Variants in PDE3A observed in about 807,000 individuals in gnomAD.
The protein encoded by PDE3A is phosphodiesterase 3A.
PDE3A carries 43 observed loss-of-function variants against 98.3 expected under a neutral mutation model. That is an observed-to-expected ratio of 0.44 (90% CI 0.34 to 0.56). PDE3A has a LOEUF of 0.56. Among genes scored for constraint, PDE3A ranks in the 20% least tolerant of loss-of-function variants. The pLI is 0.01. For missense variants in PDE3A, 1,427 were observed against 1,440.7 expected (o/e 0.99, Z 0.15); for synonymous variants, 663 against 567.9 (o/e 1.17, Z -2.38).
intron 1 of PDE3A, among the ~76,000 whole-genome samples, chr12:20,376,712 T>C (rs576811118): frequency 1.3e-5 from 2 of 152,052 alleles, no homozygotes; most frequent in South Asian, 4.1e-4. Context: ...TGTTAAGGCA[T>C]TTCTTCATTA....
chr12:20,490,160 A>AT (rs1030222084), intron 1 of PDE3A, among the ~76,000 whole-genome samples: 11 of 152,090 alleles, frequency 7.2e-5, no homozygotes, highest in South Asian at 4.1e-4. Flanking sequence ...AGTTTGTATG[A>AT]TTTTTTCCCC....
At chr12:20,487,020 A>C (rs1269135415) in intron 1 of PDE3A, among the ~76,000 whole-genome samples, 1 of 152,204 alleles carries the variant, frequency 6.6e-6, no homozygotes, top group African/African-American at 2.4e-5. Context: ...TTTTTTTCAT[A>C]GTTTTTTAAA....
At chr12:20,522,804 G>C (rs112331789) in intron 1 of PDE3A, among the ~76,000 whole-genome samples, 3 of 152,096 alleles carry the variant, frequency 2.0e-5, no homozygotes, top group African/African-American at 7.2e-5. Flanking sequence ...AAATGAAATG[G>C]GGTGGGGCAG....
In PDE3A at chr12:20,370,018, G is replaced by T. The variant is rs1455187111; in HGVS notation, c.734G>T (p.Gly245Val). Residue 245 changes from glycine (G) to valine (V), a missense_variant, in exon 1 of 16, where the codon GGC becomes GTC. This residue lies in a region of PDE3A where 1,012 missense variants were observed against 886.5 expected (regional missense o/e 1.14). Coordinates refer to ENST00000359062, the MANE Select transcript of PDE3A (RefSeq NM_000921.5). ...AGACCTTACCTGGCGTACCTGGCCG[G>T]CGTGCTGGGGATCCTCTTGGCCAGG... ...AWRPYLAYLAGVLGILLARYV... is the reference protein window; with the variant it reads ...AWRPYLAYLAVVLGILLARYV... The T allele has an allele frequency of 6.2e-7, 1 of 1,613,006 alleles. No individual in the cohort carries two copies. The highest frequency in any genetic ancestry group is 1.1e-5 in the South Asian group (1 of 91,080).
intron 9 of PDE3A, among the ~76,000 whole-genome samples, chr12:20,639,639 CAT>C (rs767317264): frequency 6.6e-6 from 1 of 152,110 alleles, no homozygotes. Context: ...TTTAAGGAGA[CAT>C]GTGCAATGGA....
intron 1 of PDE3A, among the ~76,000 whole-genome samples, chr12:20,378,019 T>C (rs555817177): frequency 1.3e-5 from 2 of 151,894 alleles, no homozygotes; most frequent in Admixed American, 6.6e-5. Context: ...ACAAGCCTGC[T>C]CCTAGCTTTA....
At chr12:20,472,337 A>C (rs772240001) in intron 1 of PDE3A, among the ~76,000 whole-genome samples, 8 of 152,100 alleles carry the variant, frequency 5.3e-5, no homozygotes, top group Non-Finnish European at 8.8e-5. Context: ...CTACGGTCTG[A>C]TAGTTGGCAT....
chr12:20,650,026 G>C (rs1209233232), intron 13 of PDE3A, among the ~76,000 whole-genome samples: 1 of 152,026 alleles, frequency 6.6e-6, no homozygotes, highest in East Asian at 1.9e-4. Flanking sequence ...CATTTTTGTA[G>C]GTACATGGTA....
chr12:20,653,901 T>G, intron 14 of PDE3A, 46 bp from the exon 15 acceptor site: 8 of 1,595,796 alleles, frequency 5.0e-6, no homozygotes, highest in Non-Finnish European at 6.8e-6. Flanking sequence ...ATTTACAAAT[T>G]TCAGATGCCA....
chr12:20,508,823 A>AT (rs72509816), intron 1 of PDE3A, among the ~76,000 whole-genome samples: 1 of 151,280 alleles, frequency 6.6e-6, no homozygotes, highest in African/African-American at 2.4e-5. Context: ...CAAAAAAAAA[A>AT]ATCTGGGTTT....
intron 1 of PDE3A, among the ~76,000 whole-genome samples, chr12:20,410,622 T>C (rs1462505553): frequency 6.6e-6 from 1 of 152,154 alleles, no homozygotes; most frequent in Non-Finnish European, 1.5e-5. Flanking sequence ...TGTTTTGTTG[T>C]TGTTGTTGTT....
chr12:20,521,328 A>G (rs115826993), intron 1 of PDE3A, among the ~76,000 whole-genome samples: 2,309 of 152,248 alleles, frequency 0.015, 64 homozygotes, highest in African/African-American at 0.053. Flanking sequence ...GAGTGGTAAC[A>G]TGAATAATAA....
At chr12:20,483,529 T>G (rs1464173830) in intron 1 of PDE3A, among the ~76,000 whole-genome samples, 1 of 152,242 alleles carries the variant, frequency 6.6e-6, no homozygotes, top group Non-Finnish European at 1.5e-5. Flanking sequence ...GTATCAAGTA[T>G]GTGTTACTTG....
At chr12:20,465,894 C>T (rs1418762463) in intron 1 of PDE3A, among the ~76,000 whole-genome samples, 5 of 152,036 alleles carry the variant, frequency 3.3e-5, no homozygotes, top group African/African-American at 1.2e-4. Context: ...ATAAATAATA[C>T]CAACTTGTGC....
Position 20,540,532 on chromosome 12 carries a change from T to C in PDE3A, c.961-16128T>C, listed in dbSNP as rs115953913. Among the ~76,000 whole-genome samples the C allele has an allele frequency of 5.0e-3, 759 of 152,198 alleles. 6 individuals are homozygous for C. The highest frequency in any genetic ancestry group is 0.018 in the African/African-American group (735 of 41,552). Reference sequence around the variant, plus strand: ...GAAACAGCACAGGAATAGTCATTCCTTCATGACAACTTCTACGAAAGTGTA... The same window carrying C: ...GAAACAGCACAGGAATAGTCATTCCCTCATGACAACTTCTACGAAAGTGTA... On this transcript the variant is annotated intron_variant, in intron 1 of 15. Transcript: ENST00000359062.
At chr12:20,534,070 T>C (rs963533415) in intron 1 of PDE3A, among the ~76,000 whole-genome samples, 1 of 152,180 alleles carries the variant, frequency 6.6e-6, no homozygotes, top group Non-Finnish European at 1.5e-5. Flanking sequence ...ACTTTATTTC[T>C]TCCTGGTAAA....
At chr12:20,622,113 T>A (rs980064373) in intron 5 of PDE3A, among the ~76,000 whole-genome samples, 3 of 152,144 alleles carry the variant, frequency 2.0e-5, no homozygotes, top group African/African-American at 7.2e-5. Flanking sequence ...CTTCTGCCTT[T>A]AGCAGTTTAA....
intron 1 of PDE3A, among the ~76,000 whole-genome samples, chr12:20,472,025 G>A (rs764819261): frequency 9.9e-5 from 15 of 152,062 alleles, no homozygotes; most frequent in Non-Finnish European, 2.1e-4. Flanking sequence ...ACCAAAAGAG[G>A]CAGCTACATC....
At chr12:20,478,599 A>G (rs1591973308) in intron 1 of PDE3A, among the ~76,000 whole-genome samples, 1 of 152,208 alleles carries the variant, frequency 6.6e-6, no homozygotes, top group East Asian at 1.9e-4. Context: ...AAGATTAAAA[A>G]CTGCCTGTAA....
Sources: gnomAD v4.1 joint callset for allele counts (sites outside exome capture counted in the v4.1 genomes callset) on GRCh38, gnomAD v4.1.1 for gene constraint, gnomAD v4.1.1 regional missense constraint, MANE v1.5 for transcripts, NCBI Gene and HGNC (gene_info 2026-07-23, HGNC 2026-07-21) for gene names.